Variants in KLHL4 observed in about 807,000 individuals in gnomAD.
KLHL4 encodes the protein kelch-like protein 4.
In KLHL4, 17 loss-of-function variants were observed where a neutral mutation model predicts 45.8. The ratio of observed to expected loss-of-function variants is 0.37; its 90% CI spans 0.25 to 0.56. The LOEUF (loss-of-function observed/expected upper bound fraction) is 0.56. KLHL4 is among the 20% of genes least tolerant of loss of function. KLHL4 has a pLI of 0.79. For synonymous variants in KLHL4, 224 were observed against 189.9 expected, an observed-to-expected ratio of 1.18 and a Z score of -1.47; for missense variants, 544 against 544.9, an observed-to-expected ratio of 1.00 and a Z score of 0.02.
chrX:87,568,391 C>CTTTTTT (rs58586775), intron 1 of KLHL4, among the ~76,000 whole-genome samples: 21 of 57,482 alleles, frequency 3.7e-4, no homozygotes, highest in Non-Finnish European at 2.9e-4. Context: ...TTCTTTTTTT[C>CTTTTTT]TTTTTTTTTT....
intron 1 of KLHL4, among the ~76,000 whole-genome samples, chrX:87,590,519 A>T (rs972562814): frequency 8.9e-6 from 1 of 112,006 alleles, no homozygotes; most frequent in African/African-American, 3.2e-5. Flanking sequence ...TACAAAAGAT[A>T]TCAGACATTT....
chrX:87,625,622 C>A lies in KLHL4; in HGVS notation c.1150C>A (p.Leu384Ile). 1 of 1,203,104 alleles carries A rather than the reference C, an allele frequency of 8.3e-7. No homozygotes were observed. Among genetic ancestry groups the A allele is most frequent in the Middle Eastern group, 2.3e-4 (1 of 4,300 alleles). Residue 384 changes from leucine (L) to isoleucine (I), a missense_variant, in exon 6 of 11, where the codon CTT (leucine) becomes ATT (isoleucine). By Grantham distance (5) the Leu-to-Ile change is conservative. Transcript: ENST00000373119. ...CACTACTTTTCAGTTACTGGCAGAT[C>A]TTGAAACCAGTTCCATGTTTACTGG... The part of the protein sequence containing the change: ...PLLPPQLLAD[L>I]ETSSMFTGDL...
chrX:87,605,193 G>A (rs1428285840), intron 1 of KLHL4, among the ~76,000 whole-genome samples: 2 of 111,452 alleles, frequency 1.8e-5, no homozygotes, highest in African/African-American at 6.5e-5. Context: ...AAGTTAGGTA[G>A]CATGATGGCT....
At chrX:87,604,285 C>T (rs757770153) in intron 1 of KLHL4, among the ~76,000 whole-genome samples, 5 of 110,483 alleles carry the variant, frequency 4.5e-5, no homozygotes, top group Non-Finnish European at 7.6e-5. Context: ...TGGTATCTAT[C>T]AGTCACATAG....
chrX:87,618,860 A>G (rs1922653744), intron 4 of KLHL4, among the ~76,000 whole-genome samples: 1 of 112,109 alleles, frequency 8.9e-6, no homozygotes, highest in South Asian at 3.6e-4. Flanking sequence ...TTGGTTAAAA[A>G]TAACTTACAG....
At chrX:87,666,373 C>A in intron 10 of KLHL4, 102 bp from the exon 11 acceptor site, 1 of 805,029 alleles carries the variant, frequency 1.2e-6, no homozygotes, top group Non-Finnish European at 1.7e-6. Flanking sequence ...TGATGTTAGA[C>A]CAAATTAAGT....
At chrX:87,603,009 A>T (rs1298867938) in intron 1 of KLHL4, among the ~76,000 whole-genome samples, 1 of 111,348 alleles carries the variant, frequency 9.0e-6, no homozygotes, top group Non-Finnish European at 1.9e-5. Context: ...TAAAATTGGG[A>T]GTTAGTAGTC....
intron 1 of KLHL4, among the ~76,000 whole-genome samples, chrX:87,535,352 A>G (rs989758218): frequency 1.8e-5 from 2 of 111,908 alleles, no homozygotes; most frequent in Non-Finnish European, 3.8e-5. Flanking sequence ...ACGATAGCTG[A>G]AGATACTAGA....
chrX:87,658,848 T>C lies in KLHL4; in HGVS notation c.1926-5916T>C, dbSNP rs756156636. On this transcript the variant is annotated intron_variant, in intron 9 of 10. Transcript: ENST00000373119. ...TCTTCTAAGGTTTTTCTGAGAAATT[T>C]ATTAGTCATCTCATTGAGAATTCCT... 2.4e-4 allele frequency among the ~76,000 whole-genome samples: 27 copies of C among 111,543 alleles called. No homozygotes were observed. In the South Asian group the frequency reaches 7.9e-3, roughly 33 times the overall value.
At chrX:87,618,457 C>A (rs1193580560) in intron 4 of KLHL4, among the ~76,000 whole-genome samples, 1 of 111,406 alleles carries the variant, frequency 9.0e-6, no homozygotes, top group Non-Finnish European at 1.9e-5. Context: ...TAAAATTGTA[C>A]GAATTATGAT....
intron 1 of KLHL4, among the ~76,000 whole-genome samples, chrX:87,563,355 G>T (rs1176988471): frequency 2.7e-5 from 3 of 110,019 alleles, no homozygotes; most frequent in Non-Finnish European, 5.7e-5. Flanking sequence ...CGGAGAGATA[G>T]TTCAAAATAA....
chrX:87,634,393 C>T lies in KLHL4; in HGVS notation c.1712+482C>T, dbSNP rs2294958. 9.9e-5 allele frequency among the ~76,000 whole-genome samples: 11 copies of T among 111,328 alleles called. No homozygotes were observed. The East Asian group carries it at 3.1e-3, about 32-fold the overall frequency. ...AGTCTCACCCTTCCTGAATATTTAC[C>T]TCTTCCTGTCACTTGCCTATCACTT... On this transcript the variant is annotated intron_variant, in intron 8 of 10. Transcript: ENST00000373119.
chrX:87,628,607 C>T (rs1454119508), intron 6 of KLHL4, among the ~76,000 whole-genome samples: 2 of 111,546 alleles, frequency 1.8e-5, no homozygotes, highest in African/African-American at 6.5e-5. Flanking sequence ...ATATTGAGTA[C>T]AGTGTACACT....
Position 87,667,838 on chromosome X carries a change from C to T in KLHL4, c.*1304C>T. On this transcript the variant is annotated 3_prime_UTR_variant, in exon 11 of 11. Transcript: ENST00000373119. ...TCTGGAGAAATGCTTATAAAATATA[C>T]TACTAGCTTTTAAGTTTTAAGAAAG... The T allele has an allele frequency of 3.0e-6, 2 of 660,905 alleles. No homozygotes were observed. The highest frequency in any genetic ancestry group is 3.6e-6 in the Non-Finnish European group (2 of 554,492). 54.5% of individuals were successfully genotyped at this position (660,905 alleles called of 1,213,427 possible).
chrX:87,658,108 C>G (rs1373555298), intron 9 of KLHL4, among the ~76,000 whole-genome samples: 4 of 111,982 alleles, frequency 3.6e-5, no homozygotes, highest in Admixed American at 1.9e-4. Context: ...AAGTTACAAA[C>G]AGAACATCTC....
At chrX:87,552,244 G>T (rs1251550421) in intron 1 of KLHL4, among the ~76,000 whole-genome samples, 1 of 110,236 alleles carries the variant, frequency 9.1e-6, no homozygotes, top group East Asian at 2.9e-4. Context: ...CATGAATAGA[G>T]AATTCTCAAA....
intron 1 of KLHL4, among the ~76,000 whole-genome samples, chrX:87,576,959 C>G (rs1476770308): frequency 3.6e-5 from 4 of 111,442 alleles, no homozygotes; most frequent in Non-Finnish European, 7.5e-5. Context: ...TAAATCTAGT[C>G]CATGAGAAAG....
intron 1 of KLHL4, among the ~76,000 whole-genome samples, chrX:87,550,647 A>G (rs1346730841): frequency 9.0e-6 from 1 of 111,473 alleles, no homozygotes; most frequent in Non-Finnish European, 1.9e-5. Flanking sequence ...ATATCGAAAA[A>G]AAATCCACCA....
At chrX:87,526,605 G>A (rs952240319) in intron 1 of KLHL4, among the ~76,000 whole-genome samples, 1 of 112,024 alleles carries the variant, frequency 8.9e-6, no homozygotes, top group Non-Finnish European at 1.9e-5. Flanking sequence ...TAAGCTTGAG[G>A]AATGGACACA....
Sources: allele counts gnomAD v4.1 joint callset (sites outside exome capture counted in the v4.1 genomes callset), GRCh38; gene constraint gnomAD v4.1.1; transcripts MANE v1.5; gene names NCBI Gene and HGNC (gene_info 2026-07-23, HGNC 2026-07-21).